Variants in OSBPL9 observed in about 807,000 individuals in gnomAD.
OSBPL9 encodes oxysterol-binding protein-related protein 9.
Under a neutral mutation model 106.6 loss-of-function variants are expected in OSBPL9, and 40 were observed. The observed-to-expected ratio is 0.38, with a 90% CI of 0.29 to 0.49. OSBPL9 has a LOEUF of 0.49. Among genes scored for constraint, OSBPL9 ranks in the 20% least tolerant of loss-of-function variants. The pLI is 0.97. For synonymous variants in OSBPL9, 269 were observed against 295.4 expected (o/e 0.91, Z 0.92); for missense variants, 609 against 887.2 (o/e 0.69, Z 3.98).
chr1:51,601,038 A>G (rs188092498), intron 2 of OSBPL9, among the ~76,000 whole-genome samples: 1 of 152,280 alleles, frequency 6.6e-6, no homozygotes, highest in Non-Finnish European at 1.5e-5. Context: ...TTATTTGTTC[A>G]GTGCATCCAT....
chr1:51,733,711 G>T (rs1183611156), intron 4 of OSBPL9, among the ~76,000 whole-genome samples: 1 of 151,970 alleles, frequency 6.6e-6, no homozygotes, highest in Non-Finnish European at 1.5e-5. Context: ...GGAGGAGGAG[G>T]TTGCAGTGAG....
At chr1:51,670,268 G>C (rs1488958121) in intron 3 of OSBPL9, among the ~76,000 whole-genome samples, 3 of 152,104 alleles carry the variant, frequency 2.0e-5, no homozygotes, top group African/African-American at 7.2e-5. Context: ...TTGTTATTTT[G>C]CCTTTCCAGA....
chr1:51,663,678 T>C (rs1361713649), intron 2 of OSBPL9, among the ~76,000 whole-genome samples: 13 of 152,164 alleles, frequency 8.5e-5, no homozygotes, highest in Non-Finnish European at 1.6e-4. Flanking sequence ...GAATTCTTCA[T>C]CAAAAGATAT....
At chr1:51,749,312 T>C (rs915700749) in intron 7 of OSBPL9, among the ~76,000 whole-genome samples, 3 of 151,900 alleles carry the variant, frequency 2.0e-5, no homozygotes, top group Admixed American at 6.6e-5. Flanking sequence ...TCCATCAAAG[T>C]CTTTTTATTT....
At chr1:51,733,199 A>T (rs1664855642) in intron 4 of OSBPL9, among the ~76,000 whole-genome samples, 1 of 152,218 alleles carries the variant, frequency 6.6e-6, no homozygotes, top group Non-Finnish European at 1.5e-5. Context: ...TGATTCTTGC[A>T]TTAAACCCTG....
intron 3 of OSBPL9, among the ~76,000 whole-genome samples, chr1:51,691,866 G>T (rs982116174): frequency 6.6e-6 from 1 of 151,678 alleles, no homozygotes; most frequent in African/African-American, 2.4e-5. Flanking sequence ...ATCTTGTCCC[G>T]CTGGAAGGTT....
At chr1:51,604,752 C>A (rs2148604616) in intron 2 of OSBPL9, among the ~76,000 whole-genome samples, 1 of 152,048 alleles carries the variant, frequency 6.6e-6, no homozygotes, top group South Asian at 2.1e-4. Context: ...CTCCCGGGTC[C>A]AAGTGATTCT....
intron 3 of OSBPL9, among the ~76,000 whole-genome samples, chr1:51,697,379 T>C (rs1186470269): frequency 6.6e-6 from 1 of 151,686 alleles, no homozygotes; most frequent in Non-Finnish European, 1.5e-5. Context: ...ATCTTGTAAA[T>C]GTGGTTTTTG....
chr1:51,684,880 T>TATTCAAATA (rs1653402676), intron 3 of OSBPL9, among the ~76,000 whole-genome samples: 1 of 151,330 alleles, frequency 6.6e-6, no homozygotes, highest in Admixed American at 6.6e-5. Flanking sequence ...ATACAAAATA[T>TATTCAAATA]ATTCAAATAG....
chr1:51,752,429 C>T (rs1669450368), intron 8 of OSBPL9: 5 of 418,030 alleles, frequency 1.2e-5, no homozygotes, highest in Admixed American at 5.3e-5. Flanking sequence ...TCTTTTTCTT[C>T]GTGGCCTCGT....
intron 8 of OSBPL9, among the ~76,000 whole-genome samples, chr1:51,751,758 G>A (rs1388225368): frequency 6.6e-6 from 1 of 152,154 alleles, no homozygotes; most frequent in Non-Finnish European, 1.5e-5. Context: ...AAATCATTCA[G>A]GACTTTAGAT....
Position 51,787,459 on chromosome 1 carries a change from AAGG to A in OSBPL9, c.2110_2112del (p.Glu704del), listed in dbSNP as rs1163251306. The A allele has an allele frequency of 4.3e-6, 7 of 1,614,034 alleles. No homozygotes were observed. The highest frequency in any genetic ancestry group is 1.3e-5 in the African/African-American group (1 of 75,028). On this transcript the variant is annotated inframe_deletion, in exon 23 of 24. Coordinates refer to ENST00000428468, the MANE Select transcript of OSBPL9 (RefSeq NM_024586.6). ...ACAAAGAGCAGAAGCCCGAGAAAGG[AAGG>A]AGAAGGAAATTCAGTGGGAGACAAG... is the stretch of plus-strand genomic sequence containing the variant.
intron 3 of OSBPL9, among the ~76,000 whole-genome samples, chr1:51,704,656 A>T (rs562724381): frequency 4.3e-4 from 65 of 152,348 alleles, no homozygotes; most frequent in Non-Finnish European, 6.9e-4. Flanking sequence ...CAGGTTGCAC[A>T]GTCAACTTCT....
In OSBPL9 at chr1:51,750,180, G is replaced by T. The variant is rs1264523414; in HGVS notation, c.528G>T (p.Leu176Phe). The T allele has an allele frequency of 6.2e-7, 1 of 1,605,870 alleles. No homozygotes were observed. The highest frequency in any genetic ancestry group is 8.5e-7 in the Non-Finnish European group (1 of 1,176,362). ...MVESIKHCIVLLQIAKDQSNA... is the reference protein window; with the variant it reads ...MVESIKHCIVFLQIAKDQSNA... ...AATCAATTAAACACTGCATTGTGTT[G>T]CTGCAGATTGCCAAAGTAAGTAAAT... Residue 176 changes from leucine to phenylalanine, a missense_variant, in exon 8 of 24, where the codon TTG (leucine) becomes TTT (phenylalanine). By Grantham distance (22) the Leu-to-Phe change is conservative. Transcript: ENST00000428468.
the OSBPL9 span, chr1:51,538,499 A>G: frequency 6.6e-6 from 1 of 152,180 alleles, no homozygotes; most frequent in Non-Finnish European, 1.5e-5. Context: ...TTACTTATTT[A>G]AATATAGTTT....
At chr1:51,678,140 AC>A (rs1020300747) in intron 3 of OSBPL9, among the ~76,000 whole-genome samples, 1 of 152,142 alleles carries the variant, frequency 6.6e-6, no homozygotes, top group African/African-American at 2.4e-5. Flanking sequence ...CTAGGATCAC[AC>A]CACTGCACTT....
At chr1:51,749,411 C>T (rs1417931497) in intron 7 of OSBPL9, 3 of 261,586 alleles carry the variant, frequency 1.1e-5, no homozygotes, top group South Asian at 1.1e-4. Context: ...CTCCTGGGCT[C>T]AGACAATCCT....
intron 1 of OSBPL9, among the ~76,000 whole-genome samples, chr1:51,581,827 T>C (rs1645222750): frequency 6.6e-6 from 1 of 152,210 alleles, no homozygotes; most frequent in Admixed American, 6.6e-5. Flanking sequence ...GTTGCTCAAA[T>C]GTCGTTAGCC....
intron 1 of OSBPL9, among the ~76,000 whole-genome samples, chr1:51,579,856 A>AAATAATAATAATAATAATAATAATAAT (rs34556128): frequency 2.0e-4 from 29 of 143,838 alleles, no homozygotes; most frequent in African/African-American, 3.2e-4. Flanking sequence ...CTCTGTCTCA[A>AAATAATAATAATAATAATAATAATAAT]AATAATAATA....
Sources: allele counts gnomAD v4.1 joint callset (sites outside exome capture counted in the v4.1 genomes callset), GRCh38; gene constraint gnomAD v4.1.1; transcripts MANE v1.5; gene names NCBI Gene and HGNC (gene_info 2026-07-23, HGNC 2026-07-21).